Variants in SLIT1 observed in about 807,000 individuals in gnomAD.
SLIT1 encodes the protein slit guidance ligand 1, also known as slit homolog 1 protein.
A neutral mutation model predicts 186.1 loss-of-function variants in SLIT1; 66 were observed. The ratio of observed to expected loss-of-function variants is 0.35; its 90% CI spans 0.29 to 0.44. The LOEUF is 0.44. SLIT1 is among the 20% of genes least tolerant of loss of function. SLIT1 has a pLI of 1.00. For missense variants in SLIT1, 1,638 were observed against 2,037.4 expected (o/e 0.80, Z 3.77); for synonymous variants, 761 against 833.8 (o/e 0.91, Z 1.50).
intron 8 of SLIT1, among the ~76,000 whole-genome samples, chr10:97,061,393 C>A (rs147350129): frequency 1.4e-4 from 21 of 152,364 alleles, no homozygotes; most frequent in Admixed American, 5.9e-4. Context: ...AGTGTTCTTT[C>A]TGAAGCATGT....
intron 25 of SLIT1, 135 bp downstream of exon 25, chr10:97,030,622 G>A (rs1589367863): frequency 1.4e-6 from 1 of 699,414 alleles, no homozygotes; most frequent in Non-Finnish European, 2.6e-6. Flanking sequence ...CCCAGAAGGT[G>A]CACGTGGGAA....
intron 2 of SLIT1, among the ~76,000 whole-genome samples, chr10:97,164,365 C>G (rs1051548227): frequency 3.3e-5 from 5 of 152,086 alleles, no homozygotes; most frequent in African/African-American, 1.2e-4. Flanking sequence ...CCGCTGGAGG[C>G]CTGGGGGCAG....
chr10:97,021,482 G>T lies in SLIT1; in HGVS notation c.2583-69C>A. On this transcript the variant is annotated intron_variant, in intron 25 of 36. Coordinates refer to ENST00000266058, the MANE Select transcript of SLIT1 (RefSeq NM_003061.3). This position sits in a 1 kb window ranked among gnomAD's most constrained non-coding sequence, Gnocchi z 4.5. ...GTCCCTCGCCCACTGGGAACCTAGA[G>T]TCCCAGGCACTGCACCAGGGGCTGG... 2.0e-6 allele frequency: 3 copies of T among 1,480,994 alleles called. No individual in the cohort carries two copies. The highest frequency in any genetic ancestry group is 2.8e-6 in the Non-Finnish European group (3 of 1,086,266). The allele number at this position is 1,480,994 out of a possible 1,614,324, so 91.7% of individuals were successfully genotyped here.
chr10:97,029,502 A>G (rs1848573630), intron 25 of SLIT1, among the ~76,000 whole-genome samples: 1 of 152,214 alleles, frequency 6.6e-6, no homozygotes, highest in Non-Finnish European at 1.5e-5. Flanking sequence ...ATCCTGCCTC[A>G]GCCAGTAATG....
At chr10:97,128,105 C>T (rs894413717) in intron 4 of SLIT1, among the ~76,000 whole-genome samples, 40 of 152,026 alleles carry the variant, frequency 2.6e-4, no homozygotes, top group African/African-American at 8.2e-4. Context: ...GCCTTCTTCC[C>T]GCCCTTCCTC....
chr10:97,001,596 G>GT (rs1554843710), intron 36 of SLIT1, among the ~76,000 whole-genome samples: 2 of 114,230 alleles, frequency 1.8e-5, no homozygotes, highest in East Asian at 2.8e-4. Flanking sequence ...GCTGGAGGGA[G>GT]GGGGGGTCCC....
At chr10:97,087,209 TTCCTCCAGGGGGCC>T (rs1434378216) in intron 4 of SLIT1, among the ~76,000 whole-genome samples, 1 of 148,818 alleles carries the variant, frequency 6.7e-6, no homozygotes, top group African/African-American at 2.4e-5. Context: ...ACAGCTGTCA[TTCCTCCAGGGGGCC>T]TGTTCTCCAG....
At chr10:97,001,413 A>G in intron 36 of SLIT1, 63 bp from the exon 37 acceptor site, 1 of 1,265,080 alleles carries the variant, frequency 7.9e-7, no homozygotes, top group Non-Finnish European at 1.1e-6. Context: ...TGCTGCCTCC[A>G]GGGAGGCAGG....
chr10:97,039,964 G>C (rs1426133000), intron 21 of SLIT1, 24 bp downstream of exon 21: 1 of 1,611,834 alleles, frequency 6.2e-7, no homozygotes, highest in East Asian at 2.2e-5. Context: ...CCACGTGAAG[G>C]GGGCAAGGCC....
intron 4 of SLIT1, among the ~76,000 whole-genome samples, chr10:97,078,218 T>G (rs1025862061): frequency 2.0e-5 from 3 of 152,202 alleles, no homozygotes; most frequent in Non-Finnish European, 2.9e-5. Flanking sequence ...ACACTGTGGA[T>G]GGTGGGGTCT....
Position 97,185,543 on chromosome 10 carries a change from C to A in SLIT1, c.132G>T (p.Thr44=). 6.2e-7 allele frequency: 1 copy of A among 1,611,822 alleles called. No individual in the cohort carries two copies. Among genetic ancestry groups the A allele is most frequent in the Non-Finnish European group, 8.5e-7 (1 of 1,179,552 alleles). The change falls in exon 1 of 37, where the codon ACG becomes ACT. Residue 44 remains threonine (T), a synonymous_variant. Coordinates refer to ENST00000266058, the MANE Select transcript of SLIT1 (RefSeq NM_003061.3). ...GCAGCCCCGTGCCGTGGCAGTCCAC[C>A]GTGGTTCCGGTGCAGGTGCAGAGGG... ...CPALCTCTGT[T]VDCHGTGLQA...
chr10:97,178,180 T>C (rs932909681), intron 1 of SLIT1, among the ~76,000 whole-genome samples: 4 of 152,088 alleles, frequency 2.6e-5, no homozygotes, highest in Non-Finnish European at 4.4e-5. Flanking sequence ...TACCCGTTAA[T>C]ACCAAAGAAG....
intron 20 of SLIT1, among the ~76,000 whole-genome samples, chr10:97,040,546 C>T (rs985287651): frequency 2.0e-5 from 3 of 152,066 alleles, no homozygotes; most frequent in Non-Finnish European, 4.4e-5. Context: ...CTCTTTTTTT[C>T]ACTGATAGAG....
intron 4 of SLIT1, among the ~76,000 whole-genome samples, chr10:97,087,515 G>A (rs182228288): frequency 2.0e-5 from 3 of 152,346 alleles, no homozygotes; most frequent in Admixed American, 1.3e-4. Flanking sequence ...TCTGCCCTCT[G>A]CCAGCTTCCT....
intron 2 of SLIT1, among the ~76,000 whole-genome samples, 193 bp downstream of exon 2, chr10:97,164,626 C>T (rs559555232): frequency 2.0e-5 from 3 of 152,084 alleles, no homozygotes; most frequent in South Asian, 2.1e-4. Context: ...CACAGGGCGA[C>T]GGACCTTATG....
chr10:97,167,160 C>T (rs1398373508), intron 1 of SLIT1, among the ~76,000 whole-genome samples: 3 of 152,196 alleles, frequency 2.0e-5, no homozygotes, highest in Non-Finnish European at 4.4e-5. Context: ...ACCCTAAATG[C>T]TGCAAGGACA....
At chr10:97,059,209 A>T (rs1848868392) in intron 11 of SLIT1, among the ~76,000 whole-genome samples, 1 of 152,242 alleles carries the variant, frequency 6.6e-6, no homozygotes, top group African/African-American at 2.4e-5. Flanking sequence ...TGCCAGGGGC[A>T]ACAGCTCTGC....
rs370673802 is a variant in SLIT1 at position 97,047,842 on chromosome 10, G to A, written c.1490-8C>T. 13 of 1,613,696 alleles carry A rather than the reference G, an allele frequency of 8.1e-6. No homozygotes were observed. Among genetic ancestry groups the A allele is most frequent in the Non-Finnish European group, 1.0e-5 (12 of 1,179,760 alleles). Reference sequence around the variant, plus strand: ...GCTGGTAATCCTCCGTGCCTGCCATGAGAGGGTGGGGGCAGAGGCTGAGGA... The same window carrying A: ...GCTGGTAATCCTCCGTGCCTGCCATAAGAGGGTGGGGGCAGAGGCTGAGGA... On this transcript the variant is annotated splice_polypyrimidine_tract_variant and splice_region_variant and intron_variant, in intron 15 of 36. Coordinates refer to ENST00000266058, the MANE Select transcript of SLIT1 (RefSeq NM_003061.3).
intron 4 of SLIT1, among the ~76,000 whole-genome samples, chr10:97,129,023 T>C (rs571379167): frequency 6.6e-6 from 1 of 152,260 alleles, no homozygotes; most frequent in African/African-American, 2.4e-5. Flanking sequence ...ACTGAATCCA[T>C]TCAGTCCCAG....
Sources: allele counts gnomAD v4.1 joint callset (sites outside exome capture counted in the v4.1 genomes callset), GRCh38; gene constraint gnomAD v4.1.1; non-coding constraint Gnocchi (gnomAD v3.1); transcripts MANE v1.5; gene names NCBI Gene and HGNC (gene_info 2026-07-23, HGNC 2026-07-21).